Variants in ZNF609 observed in about 807,000 individuals in gnomAD.
ZNF609 encodes the protein zinc finger protein 609.
A neutral mutation model predicts 109.5 loss-of-function variants in ZNF609; 11 were observed. The ratio of observed to expected loss-of-function variants is 0.10; its 90% CI spans 0.06 to 0.17. The LOEUF (loss-of-function observed/expected upper bound fraction) is 0.17, where lower values mean the gene tolerates loss of function less well. Among genes scored for constraint, ZNF609 ranks in the 10% least tolerant of loss-of-function variants. The probability of loss-of-function intolerance (pLI) is 1.00; values close to 1 mark genes in which losing one functional copy is unlikely to be tolerated. For missense variants in ZNF609, 1,559 were observed against 1,772.4 expected (o/e 0.88, Z 2.16); for synonymous variants, 646 against 662.0 (o/e 0.98, Z 0.37).
chr15:64,596,100 C>T (rs1195501500), intron 2 of ZNF609, among the ~76,000 whole-genome samples: 1 of 152,068 alleles, frequency 6.6e-6, no homozygotes, highest in East Asian at 1.9e-4. Context: ...CATGGTGTGT[C>T]TAGTAATATG....
intron 3 of ZNF609, among the ~76,000 whole-genome samples, chr15:64,668,955 A>C (rs1896688402): frequency 2.8e-5 from 4 of 141,812 alleles, no homozygotes; most frequent in Non-Finnish European, 6.3e-5. Flanking sequence ...TCCGTCTCAA[A>C]AAAAAAAAAA....
At chr15:64,559,791 C>T (rs1178263754) in intron 2 of ZNF609, among the ~76,000 whole-genome samples, 2 of 152,198 alleles carry the variant, frequency 1.3e-5, no homozygotes, top group Non-Finnish European at 2.9e-5. Context: ...TTCTAGTTTA[C>T]TATGTGCCTT....
At chr15:64,548,424 C>A (rs768501772) in intron 2 of ZNF609, among the ~76,000 whole-genome samples, 4 of 152,102 alleles carry the variant, frequency 2.6e-5, no homozygotes, top group Non-Finnish European at 5.9e-5. Context: ...CTTTTCTTTA[C>A]AAGTCGATGA....
At chr15:64,598,547 G>A (rs1252186723) in intron 2 of ZNF609, among the ~76,000 whole-genome samples, 1 of 151,312 alleles carries the variant, frequency 6.6e-6, no homozygotes, top group African/African-American at 2.4e-5. Context: ...TAACATTAAT[G>A]GGCCAATATA....
intron 2 of ZNF609, among the ~76,000 whole-genome samples, chr15:64,558,372 A>G (rs1894624362): frequency 6.6e-6 from 1 of 152,104 alleles, no homozygotes; most frequent in African/African-American, 2.4e-5. Flanking sequence ...TTCCTCATCT[A>G]TACAATGTGA....
intron 3 of ZNF609, among the ~76,000 whole-genome samples, chr15:64,652,213 G>A (rs1332563097): frequency 6.6e-6 from 1 of 151,940 alleles, no homozygotes; most frequent in Non-Finnish European, 1.5e-5. Context: ...TGGTGGAGAT[G>A]GGATTTCACT....
At chr15:64,561,358 C>T (rs55859878) in intron 2 of ZNF609, among the ~76,000 whole-genome samples, 1 of 152,182 alleles carries the variant, frequency 6.6e-6, no homozygotes, top group Non-Finnish European at 1.5e-5. Flanking sequence ...TTACTTGAGT[C>T]TCCATTGCCC....
chr15:64,606,835 T>C (rs1466560526), intron 2 of ZNF609, among the ~76,000 whole-genome samples: 1 of 151,280 alleles, frequency 6.6e-6, no homozygotes, highest in East Asian at 1.9e-4. Flanking sequence ...AAACCCTGTC[T>C]CCAAATACAA....
chr15:64,645,177 A>G (rs956037422), intron 3 of ZNF609, among the ~76,000 whole-genome samples: 6 of 129,018 alleles, frequency 4.7e-5, no homozygotes, highest in African/African-American at 1.8e-4. Context: ...AGCCACCTCC[A>G]TCTCCTGAGC....
intron 2 of ZNF609, among the ~76,000 whole-genome samples, chr15:64,583,501 C>T (rs879225017): frequency 6.6e-6 from 1 of 152,034 alleles, no homozygotes. Context: ...AGGGACCATC[C>T]ACCTTCCAGC....
At chr15:64,610,288 GAACA>G (rs2140959889) in intron 2 of ZNF609, among the ~76,000 whole-genome samples, 1 of 152,204 alleles carries the variant, frequency 6.6e-6, no homozygotes, top group Admixed American at 6.5e-5. Context: ...ACTTAGAGGG[GAACA>G]AACAGACATG....
chr15:64,647,735 T>C (rs78212253), intron 3 of ZNF609, among the ~76,000 whole-genome samples: 1,988 of 152,292 alleles, frequency 0.013, 31 homozygotes, highest in African/African-American at 0.046. Flanking sequence ...TCTTAAATTT[T>C]CTAGCTCTTC....
intron 2 of ZNF609, among the ~76,000 whole-genome samples, chr15:64,615,721 A>G (rs1279781951): frequency 3.9e-5 from 6 of 152,050 alleles, no homozygotes; most frequent in Non-Finnish European, 7.4e-5. Context: ...TCGTGACATC[A>G]GGTGATCCAC....
chr15:64,666,466 C>T (rs866174287), intron 3 of ZNF609, among the ~76,000 whole-genome samples: 2 of 152,096 alleles, frequency 1.3e-5, no homozygotes, highest in Non-Finnish European at 2.9e-5. Context: ...ATGAAAACAT[C>T]TAGCACATAA....
chr15:64,534,399 C>T (rs1894108509), intron 2 of ZNF609, among the ~76,000 whole-genome samples: 1 of 152,034 alleles, frequency 6.6e-6, no homozygotes, highest in Non-Finnish European at 1.5e-5. Context: ...GCTGCAACCT[C>T]CGCCTCCCGG....
At chr15:64,653,355 C>A (rs371094917) in intron 3 of ZNF609, among the ~76,000 whole-genome samples, 1 of 151,986 alleles carries the variant, frequency 6.6e-6, no homozygotes, top group Non-Finnish European at 1.5e-5. Context: ...TTATAAACTT[C>A]CTGGAAGCGC....
At chr15:64,640,148 C>G (rs1463356768) in intron 3 of ZNF609, among the ~76,000 whole-genome samples, 1 of 151,640 alleles carries the variant, frequency 6.6e-6, no homozygotes, top group Non-Finnish European at 1.5e-5. Context: ...GTGTTGATCT[C>G]CTGACCTCAT....
intron 2 of ZNF609, among the ~76,000 whole-genome samples, chr15:64,553,274 A>C (rs913456893): frequency 6.6e-6 from 1 of 151,834 alleles, no homozygotes; most frequent in African/African-American, 2.4e-5. Context: ...TGCCTTAAAA[A>C]AAAAAAAAAA....
At chr15:64,551,300 T>G (rs1894466970) in intron 2 of ZNF609, among the ~76,000 whole-genome samples, 1 of 152,190 alleles carries the variant, frequency 6.6e-6, no homozygotes. Flanking sequence ...TTCTGACCCA[T>G]TGTTTTTACC....
Sources: allele counts gnomAD v4.1 joint callset (sites outside exome capture counted in the v4.1 genomes callset), GRCh38; gene constraint gnomAD v4.1.1; transcripts MANE v1.5; gene names NCBI Gene and HGNC (gene_info 2026-07-23, HGNC 2026-07-21).